The following GRID2 variants were observed in gnomAD, a reference collection of about 807,000 sequenced individuals.
GRID2 encodes the protein glutamate receptor ionotropic, delta-2.
In GRID2, 33 loss-of-function variants were observed where a neutral mutation model predicts 114.8. That is an observed-to-expected ratio of 0.29 (90% CI 0.22 to 0.38). The LOEUF (loss-of-function observed/expected upper bound fraction) is 0.38, where lower values mean the gene tolerates loss of function less well. GRID2 is among the 10% of genes least tolerant of loss of function. The pLI is 1.00. For missense variants in GRID2, 1,184 were observed against 1,257.7 expected, an observed-to-expected ratio of 0.94 and a Z score of 0.89; for synonymous variants, 505 against 449.9, an observed-to-expected ratio of 1.12 and a Z score of -1.55.
chr4:92,690,267 C>A (rs966660659), intron 2 of GRID2, among the ~76,000 whole-genome samples: 3 of 151,584 alleles, frequency 2.0e-5, no homozygotes, highest in African/African-American at 4.8e-5. Flanking sequence ...GTAGGCTTAT[C>A]AATTGGCCTA....
intron 1 of GRID2, among the ~76,000 whole-genome samples, chr4:92,380,243 A>G (rs962086769): frequency 6.6e-6 from 1 of 151,790 alleles, no homozygotes; most frequent in Non-Finnish European, 1.5e-5. Context: ...TTGAAAGATT[A>G]TATCTTTTAG....
At chr4:92,801,524 G>A (rs1740169520) in intron 2 of GRID2, among the ~76,000 whole-genome samples, 1 of 151,720 alleles carries the variant, frequency 6.6e-6, no homozygotes, top group Admixed American at 6.6e-5. Flanking sequence ...TTCAAAACCT[G>A]TATTATAGCA....
chr4:93,040,452 A>G (rs2149267836), intron 2 of GRID2, among the ~76,000 whole-genome samples: 1 of 152,294 alleles, frequency 6.6e-6, no homozygotes, highest in African/African-American at 2.4e-5. Flanking sequence ...AACAAGATTT[A>G]ATTGTCAGAA....
chr4:93,018,451 A>G (rs1722978122), intron 2 of GRID2, among the ~76,000 whole-genome samples: 2 of 152,120 alleles, frequency 1.3e-5, no homozygotes. Flanking sequence ...ATTGTGGTTT[A>G]AAGTGGAGGT....
At chr4:92,697,822 G>C (rs1384991201) in intron 2 of GRID2, among the ~76,000 whole-genome samples, 2 of 152,098 alleles carry the variant, frequency 1.3e-5, no homozygotes, top group African/African-American at 4.8e-5. Flanking sequence ...GATGAGGTCA[G>C]GTTGCACCAT....
At chr4:92,482,950 T>A (rs1461968091) in intron 1 of GRID2, among the ~76,000 whole-genome samples, 1 of 152,196 alleles carries the variant, frequency 6.6e-6, no homozygotes, top group African/African-American at 2.4e-5. Flanking sequence ...TAATAATATG[T>A]TGCAACATAG....
intron 14 of GRID2, among the ~76,000 whole-genome samples, chr4:93,736,564 A>T (rs767697583): frequency 6.6e-6 from 1 of 152,028 alleles, no homozygotes; most frequent in African/African-American, 2.4e-5. Context: ...TGTCAGGTTG[A>T]TGTACCTATA....
intron 15 of GRID2, among the ~76,000 whole-genome samples, chr4:93,770,928 T>C (rs1734059082): frequency 6.6e-6 from 1 of 152,128 alleles, no homozygotes; most frequent in South Asian, 2.1e-4. Flanking sequence ...TGGATATTTT[T>C]TATTGAATTT....
intron 4 of GRID2, among the ~76,000 whole-genome samples, chr4:93,129,152 C>T (rs1463970736): frequency 6.6e-6 from 1 of 152,166 alleles, no homozygotes. Context: ...CTTAACCACA[C>T]ACCACACAAA....
At chr4:93,769,164 G>A (rs189588841) in intron 14 of GRID2, 46 bp from the exon 15 acceptor site, 26 of 1,601,844 alleles carry the variant, frequency 1.6e-5, no homozygotes, top group East Asian at 1.3e-4. Context: ...GAACCAGGGC[G>A]ATAACTATGT....
At chr4:92,558,868 A>T (rs1341818178) in intron 1 of GRID2, among the ~76,000 whole-genome samples, 1 of 152,190 alleles carries the variant, frequency 6.6e-6, no homozygotes, top group Non-Finnish European at 1.5e-5. Flanking sequence ...AGAGCAACTG[A>T]TCTCAGATAT....
chr4:93,705,120 G>T (rs1455609225), intron 14 of GRID2, among the ~76,000 whole-genome samples: 1 of 152,074 alleles, frequency 6.6e-6, no homozygotes, highest in Non-Finnish European at 1.5e-5. Flanking sequence ...ATTGGTTATA[G>T]CCTATCTTTT....
At chr4:92,849,393 C>T (rs1409873795) in intron 2 of GRID2, among the ~76,000 whole-genome samples, 1 of 151,810 alleles carries the variant, frequency 6.6e-6, no homozygotes. Context: ...CTGGAATGCA[C>T]TCTATTTCTA....
intron 1 of GRID2, among the ~76,000 whole-genome samples, chr4:92,399,328 T>TC (rs1730663272): frequency 6.6e-6 from 1 of 152,118 alleles, no homozygotes; most frequent in Admixed American, 6.6e-5. Context: ...AGTCCGAGAT[T>TC]CCTCAAGCAG....
chr4:92,915,500 C>T (rs1748712836), intron 2 of GRID2, among the ~76,000 whole-genome samples: 2 of 151,970 alleles, frequency 1.3e-5, no homozygotes, highest in South Asian at 2.1e-4. Flanking sequence ...TAAAATTGTA[C>T]TTTGGGGATT....
At chr4:93,757,296 G>C (rs548926007) in intron 14 of GRID2, among the ~76,000 whole-genome samples, 1 of 152,198 alleles carries the variant, frequency 6.6e-6, no homozygotes, top group Non-Finnish European at 1.5e-5. Flanking sequence ...CTTCTCCAGC[G>C]TGGTTCTGGT....
intron 13 of GRID2, among the ~76,000 whole-genome samples, chr4:93,620,176 T>A (rs951713755): frequency 7.2e-5 from 11 of 152,236 alleles, no homozygotes; most frequent in African/African-American, 2.7e-4. Context: ...TTGGTAAATG[T>A]TATCTATTAT....
chr4:93,096,628 A>G (rs188209826), intron 3 of GRID2, among the ~76,000 whole-genome samples: 23 of 151,988 alleles, frequency 1.5e-4, no homozygotes, highest in Non-Finnish European at 3.2e-4. Context: ...GAAAAATGCA[A>G]ATTTAAATTA....
At chr4:92,696,145 T>A (rs1020948793) in intron 2 of GRID2, among the ~76,000 whole-genome samples, 2 of 152,264 alleles carry the variant, frequency 1.3e-5, no homozygotes, top group East Asian at 3.9e-4. Flanking sequence ...TTTAAAGAAA[T>A]CAATTTTCCT....
Sources: allele counts gnomAD v4.1 joint callset (sites outside exome capture counted in the v4.1 genomes callset), GRCh38; gene constraint gnomAD v4.1.1; transcripts MANE v1.5; gene names NCBI Gene and HGNC (gene_info 2026-07-23, HGNC 2026-07-21).